Variants in SCNN1A observed in about 807,000 individuals in gnomAD.
SCNN1A encodes the protein epithelial sodium channel subunit alpha.
SCNN1A carries 65 observed loss-of-function variants against 68.6 expected under a neutral mutation model. The observed-to-expected ratio is 0.95, with a 90% CI of 0.78 to 1.16. The LOEUF (loss-of-function observed/expected upper bound fraction) is 1.16. Ranked by LOEUF, SCNN1A falls within the 50% of genes most tolerant of loss-of-function variation. The pLI is 0.00. For synonymous variants in SCNN1A, 357 were observed against 353.3 expected (o/e 1.01, Z -0.12); for missense variants, 880 against 865.9 (o/e 1.02, Z -0.20).
At chr12:6,358,694 A>G (rs1948535489) in intron 4 of SCNN1A, among the ~76,000 whole-genome samples, 1 of 151,948 alleles carries the variant, frequency 6.6e-6, no homozygotes, top group African/African-American at 2.4e-5. Context: ...CCTAGTCTCT[A>G]CTAAAATTAA....
intron 2 of SCNN1A, among the ~76,000 whole-genome samples, chr12:6,366,659 G>T (rs995302553): frequency 6.6e-6 from 1 of 152,104 alleles, no homozygotes; most frequent in African/African-American, 2.4e-5. Flanking sequence ...AATTAGCCGG[G>T]CGTGGTGGCA....
intron 4 of SCNN1A, 41 bp downstream of exon 4, chr12:6,362,010 G>T: frequency 6.2e-7 from 1 of 1,605,922 alleles, no homozygotes. Context: ...CCAGGGAAGC[G>T]GACCCCGCGG....
chr12:6,358,614 T>C (rs1948534414), intron 4 of SCNN1A, among the ~76,000 whole-genome samples: 1 of 151,944 alleles, frequency 6.6e-6, no homozygotes, highest in Non-Finnish European at 1.5e-5. Flanking sequence ...ATCCCAGCAC[T>C]TTGGGAGGCC....
rs1355388813 is a variant in SCNN1A at position 6,347,442 on chromosome 12, G to T, written c.*431C>A. On this transcript the variant is annotated 3_prime_UTR_variant, in exon 13 of 13. Transcript: ENST00000228916. The stretch of plus-strand genomic sequence containing the variant: ...ATCTGTGCTACTGGAGAGCAGTGTG[G>T]CCAGGCCAGTCGGGGGCTGGCTTAA... 3 of 211,148 alleles carry T rather than the reference G, an allele frequency of 1.4e-5. No homozygotes were observed. The Admixed American group carries it at 1.6e-4, about 11-fold the overall frequency. The allele number at this position is 211,148 out of a possible 1,614,324, so 13.1% of individuals were successfully genotyped here. A position where few individuals can be genotyped will look rare whatever the true frequency, so the allele number is the denominator to read the frequency against.
intron 4 of SCNN1A, among the ~76,000 whole-genome samples, chr12:6,361,186 C>T (rs114782537): frequency 0.01 from 1,540 of 152,292 alleles, 29 homozygotes; most frequent in African/African-American, 0.036. Context: ...ATTTGTTGAA[C>T]GAACACTGAA....
At chr12:6,369,014 CG>C (rs1331268459) in intron 2 of SCNN1A, among the ~76,000 whole-genome samples, 1 of 152,148 alleles carries the variant, frequency 6.6e-6, no homozygotes, top group Non-Finnish European at 1.5e-5. Flanking sequence ...CCCAGGAAAG[CG>C]AATTTGCCTT....
chr12:6,351,621 T>A lies in SCNN1A; in HGVS notation c.1361-2216A>T, dbSNP rs536525535. Among the ~76,000 whole-genome samples the A allele has an allele frequency of 6.7e-6, 1 of 148,368 alleles. No homozygotes were observed. Among genetic ancestry groups the A allele is most frequent in the Admixed American group, 6.7e-5 (1 of 14,860 alleles). On this transcript the variant is annotated intron_variant, in intron 8 of 12. Transcript: ENST00000228916. This position sits in a 1 kb window ranked among gnomAD's most constrained non-coding sequence, Gnocchi z 4.2. ...CAGTCTGGGCGACAGAGGGAGATTC[T>A]GTCTCCAGAAGAAAAAAAAAAAAAA...
chr12:6,352,905 A>G (rs1296354539), intron 8 of SCNN1A, among the ~76,000 whole-genome samples: 1 of 152,236 alleles, frequency 6.6e-6, no homozygotes, highest in Non-Finnish European at 1.5e-5. Flanking sequence ...CTGTGTCTCC[A>G]GTGCCCACTA....
chr12:6,375,299 C>T lies in SCNN1A; in HGVS notation c.-55+206G>A, dbSNP rs62624478. 2.3e-3 allele frequency: 3,274 copies of T among 1,438,638 alleles called. 42 individuals are homozygous for T. The African/African-American group carries it at 0.033, about 15-fold the overall frequency. 89.1% of individuals were successfully genotyped at this position (1,438,638 alleles called of 1,614,324 possible). A position where few individuals can be genotyped will look rare whatever the true frequency, so the allele number is the denominator to read the frequency against. ...AATCCTGCCTCTCTTCCTCTCCCCC[C>T]CTTGCCTTGCCCCCTCTCACTCTAG... On this transcript the variant is annotated intron_variant, in intron 1 of 12. Coordinates refer to ENST00000228916, the MANE Select transcript of SCNN1A (RefSeq NM_001038.6).
Position 6,354,644 on chromosome 12 carries a change from C to T in SCNN1A, c.1243-89G>A, listed in dbSNP as rs1948462391. ...GAGCCTCCATCCTCTTTCCACCACC[C>T]CCCAGTTTCCCTCTCTCTCTCTCAC... is the stretch of plus-strand genomic sequence containing the variant. On this transcript the variant is annotated intron_variant, in intron 7 of 12. Transcript: ENST00000228916. The T allele has an allele frequency of 2.8e-6, 4 of 1,407,856 alleles. No individual in the cohort carries two copies. In the Admixed American group the frequency reaches 6.7e-5, roughly 24 times the overall value. 87.2% of individuals were successfully genotyped at this position (1,407,856 alleles called of 1,614,324 possible).
upstream of SCNN1A, among the ~76,000 whole-genome samples, chr12:6,376,510 G>A (rs72645150): frequency 2.0e-5 from 3 of 152,228 alleles, no homozygotes; most frequent in African/African-American, 7.2e-5. Context: ...GGAGGATGTG[G>A]CCAGCGCTGG....
At chr12:6,371,199 T>C (rs1948782917) in intron 2 of SCNN1A, among the ~76,000 whole-genome samples, 1 of 152,042 alleles carries the variant, frequency 6.6e-6, no homozygotes, top group African/African-American at 2.4e-5. Context: ...CCAGTTCCTC[T>C]AGCTCATCAA....
Position 6,354,602 on chromosome 12 carries a change from C to A in SCNN1A, c.1243-47G>T, listed in dbSNP as rs759952989. On this transcript the variant is annotated intron_variant, in intron 7 of 12. Coordinates refer to ENST00000228916, the MANE Select transcript of SCNN1A (RefSeq NM_001038.6). ...AGGAGAGGGGGTTCAGGCCTGAACTCAGCAGTTCTCTGCACAGAGCCTCCA... is the reference window on the plus strand; with the variant it reads ...AGGAGAGGGGGTTCAGGCCTGAACTAAGCAGTTCTCTGCACAGAGCCTCCA... 5 of 1,472,534 alleles carry A rather than the reference C, an allele frequency of 3.4e-6. No homozygotes were observed. In the Admixed American group the frequency reaches 8.4e-5, roughly 25 times the overall value. The allele number at this position is 1,472,534 out of a possible 1,614,324, so 91.2% of individuals were successfully genotyped here.
rs769574907 is a variant in SCNN1A at position 6,349,203 on chromosome 12, G to C, written c.1458C>G (p.Leu486=). 6 of 1,614,150 alleles carry C rather than the reference G, an allele frequency of 3.7e-6. No homozygotes were observed. The highest frequency in any genetic ancestry group is 4.2e-6 in the Non-Finnish European group (5 of 1,180,012). ...RKPCSVTSYQ[L]SAGYSRWPSV... is the part of the protein sequence containing the mutation. Reference sequence around the variant, plus strand: ...AGGGCCATCGTGAGTAACCAGCAGAGAGCTGGTAGCTGGTCACGCTGGGGA... The same window carrying C: ...AGGGCCATCGTGAGTAACCAGCAGACAGCTGGTAGCTGGTCACGCTGGGGA... The change falls in exon 10 of 13, where the codon CTC becomes CTG. Residue 486 remains leucine (L), a synonymous_variant. Coordinates refer to ENST00000228916, the MANE Select transcript of SCNN1A (RefSeq NM_001038.6).
Position 6,372,725 on chromosome 12 carries a change from G to T in SCNN1A, c.416+1643C>A, listed in dbSNP as rs565454669. Among the ~76,000 whole-genome samples, 5 of 151,446 alleles carry T rather than the reference G, an allele frequency of 3.3e-5. No homozygotes were observed. Among genetic ancestry groups the T allele is most frequent in the Non-Finnish European group, 7.3e-5 (5 of 68,032 alleles). On this transcript the variant is annotated intron_variant, in intron 2 of 12. Transcript: ENST00000228916. The surrounding 1 kb of genome is among the most constrained non-coding windows in gnomAD (Gnocchi z 5.8). The stretch of plus-strand genomic sequence containing the variant: ...TGCTGGGTCCCTCCCCTCCACCAAG[G>T]CCTAAAGGGGTGAAGATGTCTGCAG...
chr12:6,373,894 A>G (rs1268849689), intron 2 of SCNN1A, among the ~76,000 whole-genome samples: 4 of 151,942 alleles, frequency 2.6e-5, no homozygotes, highest in African/African-American at 9.7e-5. Flanking sequence ...CTTCTAAACA[A>G]AGACTGACAG....
intron 2 of SCNN1A, among the ~76,000 whole-genome samples, chr12:6,371,547 GGGTGGAC>G (rs1275420781): frequency 1.7e-5 from 2 of 121,170 alleles, no homozygotes; most frequent in Non-Finnish European, 3.5e-5. Context: ...GTGGGGGTGA[GGGTGGAC>G]GGTGGGGGTG....
chr12:6,351,145 A>C lies in SCNN1A; in HGVS notation c.1361-1740T>G, dbSNP rs1237189867. 6.6e-6 allele frequency among the ~76,000 whole-genome samples: 1 copy of C among 152,272 alleles called. No homozygotes were observed. Among genetic ancestry groups the C allele is most frequent in the Non-Finnish European group, 1.5e-5 (1 of 68,044 alleles). On this transcript the variant is annotated intron_variant, in intron 8 of 12. Transcript: ENST00000228916. This position sits in a 1 kb window ranked among gnomAD's most constrained non-coding sequence, Gnocchi z 4.2. Reference sequence around the variant, plus strand: ...TAACCAAAAAGTGGCAACAACACAAATGTCCACTAACTGATAAATGGGTAA... The same window carrying C: ...TAACCAAAAAGTGGCAACAACACAACTGTCCACTAACTGATAAATGGGTAA...
At position 6,360,595 on chromosome 12, in the gene SCNN1A, C is replaced by T. The variant is rs1460562373; in HGVS notation, c.875+1456G>A. Among the ~76,000 whole-genome samples, 3 of 152,342 alleles carry T rather than the reference C, an allele frequency of 2.0e-5. No homozygotes were observed. The East Asian group carries it at 5.8e-4, about 29-fold the overall frequency. On this transcript the variant is annotated intron_variant, in intron 4 of 12. Transcript: ENST00000228916. ...GCAAAGACTAAAAACAGAACAAAAT[C>T]GTGTACTGGGCAGAGTGTGTGTGAA...
Sources: gnomAD v4.1 joint callset for allele counts (sites outside exome capture counted in the v4.1 genomes callset) on GRCh38, gnomAD v4.1.1 for gene constraint, Gnocchi (gnomAD v3.1) non-coding constraint, MANE v1.5 for transcripts, NCBI Gene and HGNC (gene_info 2026-07-23, HGNC 2026-07-21) for gene names.